Variants in FBXO32 observed in about 807,000 individuals in gnomAD.
The protein encoded by FBXO32 is F-box protein 32.
A neutral mutation model predicts 48.3 loss-of-function variants in FBXO32; 15 were observed. That is an observed-to-expected ratio of 0.31 (90% CI 0.21 to 0.48). The LOEUF (loss-of-function observed/expected upper bound fraction) is 0.48. FBXO32 is among the 20% of genes least tolerant of loss of function. FBXO32 has a pLI of 0.99. For missense variants in FBXO32, 309 were observed against 432.7 expected, an observed-to-expected ratio of 0.71 and a Z score of 2.54; for synonymous variants, 154 against 165.9, an observed-to-expected ratio of 0.93 and a Z score of 0.55.
intron 7 of FBXO32, among the ~76,000 whole-genome samples, chr8:123,504,991 C>T (rs1816585708): frequency 6.6e-6 from 1 of 152,192 alleles, no homozygotes; most frequent in Non-Finnish European, 1.5e-5. Context: ...TGGCTGGTGA[C>T]ATGTTACTAG....
intron 6 of FBXO32, among the ~76,000 whole-genome samples, chr8:123,507,327 T>C (rs1242413462): frequency 1.3e-5 from 2 of 152,114 alleles, no homozygotes; most frequent in Non-Finnish European, 2.9e-5. Flanking sequence ...GTGTCCAGGG[T>C]GTCTACAAGA....
intron 3 of FBXO32, chr8:123,532,221 C>G: frequency 2.3e-6 from 3 of 1,310,874 alleles, no homozygotes; most frequent in Non-Finnish European, 1.9e-6. Flanking sequence ...TCAAACACCC[C>G]CTTTTCGTGA....
At chr8:123,539,020 T>C (rs1817363419) in intron 1 of FBXO32, among the ~76,000 whole-genome samples, 2 of 152,192 alleles carry the variant, frequency 1.3e-5, no homozygotes, top group Admixed American at 1.3e-4. Context: ...TTTATTTATT[T>C]TTAGAGACAG....
chr8:123,521,916 T>A (rs1035244135), intron 4 of FBXO32, among the ~76,000 whole-genome samples: 16 of 152,116 alleles, frequency 1.1e-4, no homozygotes, highest in African/African-American at 3.9e-4. Context: ...CTGCTCTGAG[T>A]GCTGGGTACT....
Position 123,513,036 on chromosome 8 carries a change from A to T in FBXO32, c.651+162T>A, listed in dbSNP as rs1816766321. Among the ~76,000 whole-genome samples, 1 of 152,046 alleles carries T rather than the reference A, an allele frequency of 6.6e-6. No individual in the cohort carries two copies. The highest frequency in any genetic ancestry group is 2.4e-5 in the African/African-American group (1 of 41,402). ...CAAGTTTTTCTTCCCACTTCCCTTT[A>T]TCAGGAGGTCCCCCAGCCCACCCTC... On this transcript the variant is annotated intron_variant, in intron 6 of 8. Coordinates refer to ENST00000517956, the MANE Select transcript of FBXO32 (RefSeq NM_058229.4). The surrounding 1 kb of genome is among the most constrained non-coding windows in gnomAD (Gnocchi z 4.3).
In FBXO32 at chr8:123,506,341, G is replaced by A. The variant is rs1418588420; in HGVS notation, c.834+51C>T. 1.3e-6 allele frequency: 2 copies of A among 1,592,880 alleles called. No individual in the cohort carries two copies. The highest frequency in any genetic ancestry group is 2.2e-4 in the Middle Eastern group (1 of 4,506). ...GAGCAGGGCACCAAGGAAGTTTGGG[G>A]TGAGGGCCAGAGAAGGAGGGTGGGA... On this transcript the variant is annotated intron_variant, in intron 7 of 8. Transcript: ENST00000517956. The surrounding 1 kb of genome is among the most constrained non-coding windows in gnomAD (Gnocchi z 4.0).
At chr8:123,533,994 G>A (rs1817261654) in intron 2 of FBXO32, among the ~76,000 whole-genome samples, 1 of 151,838 alleles carries the variant, frequency 6.6e-6, no homozygotes, top group Non-Finnish European at 1.5e-5. Flanking sequence ...TCAGGAGGCT[G>A]AGGCACGAGA....
rs1816420296 is a variant in FBXO32, at chr8:123,498,919, G to A, written c.*4454C>T. The A allele has an allele frequency of 6.6e-6, 1 of 152,192 alleles. No individual in the cohort carries two copies. The highest frequency in any genetic ancestry group is 1.5e-5 in the Non-Finnish European group (1 of 68,048). 9.4% of individuals were successfully genotyped at this position (152,192 alleles called of 1,614,324 possible). A position where few individuals can be genotyped will look rare whatever the true frequency, so the allele number is the denominator to read the frequency against. On this transcript the variant is annotated 3_prime_UTR_variant, in exon 9 of 9. Coordinates refer to ENST00000517956, the MANE Select transcript of FBXO32 (RefSeq NM_058229.4). ...CTTAACTTCTCCAGTAAGAATCAGG[G>A]ACTTGAAATGGAAACGTTAACAGCC...
At chr8:123,524,719 T>C (rs925120323) in intron 4 of FBXO32, among the ~76,000 whole-genome samples, 1 of 152,188 alleles carries the variant, frequency 6.6e-6, no homozygotes, top group Non-Finnish European at 1.5e-5. Flanking sequence ...GGTTTCACCA[T>C]CTTGACCAGG....
Position 123,534,768 on chromosome 8 carries a change from G to C in FBXO32, c.163C>G (p.Leu55Val). The part of the protein sequence containing the change: ...VYNKENLFNS[L>V]NYDVAAKKRK... ...TTCTTGGCTGCAACATCATAGTTCAGGCTGTTGAAAAGATTCTCCTTATTG... is the reference window on the plus strand; with the variant it reads ...TTCTTGGCTGCAACATCATAGTTCACGCTGTTGAAAAGATTCTCCTTATTG... Residue 55 changes from leucine (L) to valine (V), a missense_variant, in exon 2 of 9, where the codon CTG (leucine) becomes GTG (valine). By Grantham distance (32) the Leu-to-Val change is conservative. Transcript: ENST00000517956. 6.2e-7 allele frequency: 1 copy of C among 1,613,784 alleles called. No individual in the cohort carries two copies. The highest frequency in any genetic ancestry group is 8.5e-7 in the Non-Finnish European group (1 of 1,179,862).
chr8:123,507,947 C>T (rs374752299), intron 6 of FBXO32, among the ~76,000 whole-genome samples: 5 of 152,262 alleles, frequency 3.3e-5, no homozygotes, highest in African/African-American at 1.2e-4. Flanking sequence ...AGAATCTGCA[C>T]CTGGGAATCC....
At position 123,504,595 on chromosome 8, in the gene FBXO32, G is replaced by A; in HGVS notation, c.978+9C>T. 6.2e-7 allele frequency: 1 copy of A among 1,611,662 alleles called. No individual in the cohort carries two copies. The highest frequency in any genetic ancestry group is 8.5e-7 in the Non-Finnish European group (1 of 1,178,942). ...GGGGGTCTGTGGCAGCCACCTCTGA[G>A]ACACATACCTTCCAGGAAAGGATGT... On this transcript the variant is annotated intron_variant, in intron 8 of 8. Coordinates refer to ENST00000517956, the MANE Select transcript of FBXO32 (RefSeq NM_058229.4).
chr8:123,526,627 C>A (rs1012189571), intron 4 of FBXO32, among the ~76,000 whole-genome samples: 1 of 152,158 alleles, frequency 6.6e-6, no homozygotes, highest in Non-Finnish European at 1.5e-5. Flanking sequence ...TACCTCAAAC[C>A]AGTTCCCCTA....
chr8:123,507,677 T>G (rs766447021), intron 6 of FBXO32, among the ~76,000 whole-genome samples: 11 of 152,054 alleles, frequency 7.2e-5, no homozygotes, highest in Non-Finnish European at 1.3e-4. Context: ...ATTTAAGCCT[T>G]TATTGTTTTA....
At position 123,506,281 on chromosome 8, in the gene FBXO32, G is replaced by A. The variant is rs1483103728; in HGVS notation, c.834+111C>T. On this transcript the variant is annotated intron_variant, in intron 7 of 8. Transcript: ENST00000517956. The surrounding 1 kb of genome is among the most constrained non-coding windows in gnomAD (Gnocchi z 4.0). ...ACTGTCATTTTTCAGTCAAACCAGG[G>A]AACCTGGAATAGGGGGAACCCAGAC... 5.9e-6 allele frequency: 7 copies of A among 1,192,866 alleles called. No individual in the cohort carries two copies. The South Asian group carries it at 9.8e-5, about 17-fold the overall frequency. The allele number at this position is 1,192,866 out of a possible 1,614,324, so 73.9% of individuals were successfully genotyped here.
chr8:123,540,592 G>A lies in FBXO32; in HGVS notation c.116+307C>T, dbSNP rs1354137422. 1.3e-5 allele frequency among the ~76,000 whole-genome samples: 2 copies of A among 152,252 alleles called. No individual in the cohort carries two copies. The highest frequency in any genetic ancestry group is 3.9e-4 in the East Asian group (2 of 5,186). On this transcript the variant is annotated intron_variant, in intron 1 of 8. Coordinates refer to ENST00000517956, the MANE Select transcript of FBXO32 (RefSeq NM_058229.4). The surrounding 1 kb of genome is among the most constrained non-coding windows in gnomAD (Gnocchi z 6.4). Reference sequence around the variant, plus strand: ...GGGACCACTAAAGCTGTGTGATTAAGTTTGAGCGAACGTTTGGGGACACGA... The same window carrying A: ...GGGACCACTAAAGCTGTGTGATTAAATTTGAGCGAACGTTTGGGGACACGA...
At chr8:123,524,930 G>A (rs1817041074) in intron 4 of FBXO32, among the ~76,000 whole-genome samples, 1 of 152,166 alleles carries the variant, frequency 6.6e-6, no homozygotes, top group South Asian at 2.1e-4. Context: ...CCAGGTGGCC[G>A]AGGCCACCCT....
At chr8:123,536,316 C>T (rs1355271527) in intron 1 of FBXO32, among the ~76,000 whole-genome samples, 3 of 152,270 alleles carry the variant, frequency 2.0e-5, no homozygotes, top group South Asian at 2.1e-4. Context: ...CTCAGAGGCA[C>T]CTTCAAAAGC....
chr8:123,507,413 C>T (rs1816648592), intron 6 of FBXO32, among the ~76,000 whole-genome samples: 1 of 149,972 alleles, frequency 6.7e-6, no homozygotes, highest in African/African-American at 2.5e-5. Context: ...AGGTAGAAAA[C>T]AATAACACAG....
Sources: allele counts gnomAD v4.1 joint callset (sites outside exome capture counted in the v4.1 genomes callset), GRCh38; gene constraint gnomAD v4.1.1; non-coding constraint Gnocchi (gnomAD v3.1); transcripts MANE v1.5; gene names NCBI Gene and HGNC (gene_info 2026-07-23, HGNC 2026-07-21).